The following WIPF3 variants were observed in gnomAD, a reference collection of about 807,000 sequenced individuals.
WIPF3 encodes the protein WAS/WASL interacting protein family member 3.
In WIPF3, 33 loss-of-function variants were observed where a neutral mutation model predicts 38.9. The observed-to-expected ratio is 0.85, with a 90% CI of 0.64 to 1.14. The LOEUF (loss-of-function observed/expected upper bound fraction) is 1.14, where lower values mean the gene tolerates loss of function less well. WIPF3 is among the 50% of genes most tolerant of loss of function. The pLI, the probability that WIPF3 is intolerant of heterozygous loss-of-function variation, is 0.00. For synonymous variants in WIPF3, 324 were observed against 269.3 expected (o/e 1.20, Z -1.99); for missense variants, 711 against 652.5 (o/e 1.09, Z -0.98).
At chr7:29,901,121 G>A (rs1035185304) in intron 7 of WIPF3, among the ~76,000 whole-genome samples, 1 of 152,202 alleles carries the variant, frequency 6.6e-6, no homozygotes, top group African/African-American at 2.4e-5. Flanking sequence ...AGGTGCTTGA[G>A]ATTGAGGAGA....
At chr7:29,879,191 G>C in intron 4 of WIPF3, 51 bp downstream of exon 4, 1 of 1,582,148 alleles carries the variant, frequency 6.3e-7, no homozygotes, top group Non-Finnish European at 8.6e-7. Flanking sequence ...TCCTTAACTT[G>C]TGGAACCATC....
At chr7:29,839,509 T>C (rs1018428545) in intron 2 of WIPF3, among the ~76,000 whole-genome samples, 2 of 152,304 alleles carry the variant, frequency 1.3e-5, no homozygotes, top group African/African-American at 4.8e-5. Context: ...CTCTGCTGGA[T>C]ACAAGGAGGC....
At chr7:29,852,713 A>C (rs1785122923) in intron 2 of WIPF3, among the ~76,000 whole-genome samples, 1 of 152,212 alleles carries the variant, frequency 6.6e-6, no homozygotes, top group African/African-American at 2.4e-5. Context: ...CTTTGCTGCC[A>C]AATGTAGTTG....
At chr7:29,894,594 A>G (rs1786092723) in intron 7 of WIPF3, among the ~76,000 whole-genome samples, 1 of 152,126 alleles carries the variant, frequency 6.6e-6, no homozygotes, top group African/African-American at 2.4e-5. Context: ...CTGTCTGATT[A>G]CATTTCTCCT....
chr7:29,865,244 G>A (rs61535492), intron 2 of WIPF3, among the ~76,000 whole-genome samples: 19,665 of 152,084 alleles, frequency 0.13, 1,384 homozygotes, highest in Non-Finnish European at 0.16. Context: ...CTGCAAAGAG[G>A]GGCTGTCTTG....
chr7:29,828,583 T>G (rs1397737561), intron 1 of WIPF3, among the ~76,000 whole-genome samples: 1 of 152,198 alleles, frequency 6.6e-6, no homozygotes, highest in African/African-American at 2.4e-5. Flanking sequence ...ATGGGGCTTT[T>G]GGAAGAGGGA....
chr7:29,877,782 C>T (rs1209159980), intron 3 of WIPF3, among the ~76,000 whole-genome samples: 2 of 152,122 alleles, frequency 1.3e-5, no homozygotes, highest in African/African-American at 4.8e-5. Flanking sequence ...TGTAAAGGTA[C>T]ATATGAAACA....
At chr7:29,847,547 A>G (rs1428660706) in intron 2 of WIPF3, among the ~76,000 whole-genome samples, 1 of 152,196 alleles carries the variant, frequency 6.6e-6, no homozygotes, top group Admixed American at 6.5e-5. Flanking sequence ...CAGAGTATTG[A>G]CAGCCGTGTG....
In WIPF3 at chr7:29,844,481, G is replaced by T. The variant is rs943745891; in HGVS notation, c.90+9667G>T. Among the ~76,000 whole-genome samples the T allele has an allele frequency of 2.6e-5, 4 of 152,210 alleles. No individual in the cohort carries two copies. Among genetic ancestry groups the T allele is most frequent in the Admixed American group, 2.6e-4 (4 of 15,288 alleles). ...CAATCCAATGAGGTAGGGACCGGTA[G>T]TGCCATTTTAAGGATGAGAGAACTG... On this transcript the variant is annotated intron_variant, in intron 2 of 8. Coordinates refer to ENST00000242140, the MANE Select transcript of WIPF3 (RefSeq NM_001080529.3). This position sits in a 1 kb window ranked among gnomAD's most constrained non-coding sequence, Gnocchi z 4.8.
At chr7:29,913,182 A>C (rs963719111) in intron 8 of WIPF3, among the ~76,000 whole-genome samples, 2 of 152,146 alleles carry the variant, frequency 1.3e-5, no homozygotes, top group Non-Finnish European at 2.9e-5. Context: ...CCCCATCTCT[A>C]CTAAAAATAC....
chr7:29,903,930 C>T (rs1786338762), intron 7 of WIPF3, among the ~76,000 whole-genome samples: 1 of 152,118 alleles, frequency 6.6e-6, no homozygotes, highest in Non-Finnish European at 1.5e-5. Flanking sequence ...GGATGGGAGG[C>T]CTGATTTGTC....
In WIPF3 at chr7:29,914,557, G is replaced by GAAC. The variant is rs1562794049; in HGVS notation, c.*46_*48dup. The GAAC allele has an allele frequency of 6.8e-7, 1 of 1,475,598 alleles. No individual in the cohort carries two copies. Among genetic ancestry groups the GAAC allele is most frequent in the Admixed American group, 2.3e-5 (1 of 44,032 alleles). The allele number at this position is 1,475,598 out of a possible 1,614,324, so 91.4% of individuals were successfully genotyped here. On this transcript the variant is annotated 3_prime_UTR_variant, in exon 9 of 9. Coordinates refer to ENST00000242140, the MANE Select transcript of WIPF3 (RefSeq NM_001080529.3). ...GAAGGTCCTGGGGTTCCAGGTTGCA[G>GAAC]AACAACATGTCAGACCCCACCCACC...
At chr7:29,889,058 G>T (rs943749880) in intron 6 of WIPF3, among the ~76,000 whole-genome samples, 2 of 152,190 alleles carry the variant, frequency 1.3e-5, no homozygotes, top group Non-Finnish European at 2.9e-5. Context: ...GTTGAAGTAA[G>T]TTCAGGTGGG....
chr7:29,881,391 G>A (rs967510066), intron 4 of WIPF3, among the ~76,000 whole-genome samples: 5 of 152,208 alleles, frequency 3.3e-5, no homozygotes, highest in Admixed American at 6.5e-5. Context: ...AATTGCATGT[G>A]TGAATGGTAG....
rs747269146 is a variant in WIPF3, at chr7:29,879,135, T to C, written c.350T>C (p.Val117Ala). 3.8e-5 allele frequency: 62 copies of C among 1,610,834 alleles called. No individual in the cohort carries two copies. The highest frequency in any genetic ancestry group is 1.0e-4 in the Admixed American group (6 of 59,922). The change falls in exon 4 of 9, where the codon GTA (valine) becomes GCA (alanine). Residue 117 changes from valine (V) to alanine (A), a missense_variant. By Grantham distance (64) the Val-to-Ala change is moderately conservative. Transcript: ENST00000242140. The stretch of plus-strand genomic sequence containing the variant: ...TTGCGACCAGCAGGCCAGCGGGATG[T>C]AGCAGGTAAGGAAGAATTCATTCTG... Reference protein sequence around the residue: ...PVLRPAGQRDVAGGKTGQGPG... With the variant: ...PVLRPAGQRDAAGGKTGQGPG...
intron 2 of WIPF3, among the ~76,000 whole-genome samples, chr7:29,863,210 G>A (rs751793855): frequency 6.6e-6 from 1 of 151,932 alleles, no homozygotes; most frequent in Non-Finnish European, 1.5e-5. Flanking sequence ...AAACTCCATC[G>A]TGCCACCCAT....
intron 2 of WIPF3, among the ~76,000 whole-genome samples, chr7:29,870,995 G>A (rs1212878844): frequency 2.0e-5 from 3 of 152,008 alleles, no homozygotes; most frequent in African/African-American, 4.8e-5. Flanking sequence ...AGAAAAGAAG[G>A]TTAGCAGGTG....
Position 29,828,328 on chromosome 7 carries a change from G to T in WIPF3, c.-57-6340G>T, listed in dbSNP as rs559579332. On this transcript the variant is annotated intron_variant, in intron 1 of 8. Coordinates refer to ENST00000242140, the MANE Select transcript of WIPF3 (RefSeq NM_001080529.3). ...ATATATAATTTTTTATTAAAAGAGA[G>T]GCAAGCCCAGTCCACATCACTTCTG... 6.4e-4 allele frequency among the ~76,000 whole-genome samples: 97 copies of T among 152,238 alleles called. No individual in the cohort carries two copies. In the Middle Eastern group the frequency reaches 0.014, roughly 21 times the overall value.
At chr7:29,913,465 C>T (rs1200122167) in intron 8 of WIPF3, among the ~76,000 whole-genome samples, 3 of 151,758 alleles carry the variant, frequency 2.0e-5, no homozygotes, top group African/African-American at 7.3e-5. Flanking sequence ...CTGATTTGTA[C>T]TTTCTTCTTT....
Sources: gnomAD v4.1 joint callset for allele counts (sites outside exome capture counted in the v4.1 genomes callset) on GRCh38, gnomAD v4.1.1 for gene constraint, Gnocchi (gnomAD v3.1) non-coding constraint, MANE v1.5 for transcripts, NCBI Gene and HGNC (gene_info 2026-07-23, HGNC 2026-07-21) for gene names.